Variants in FRMD4A observed in about 807,000 individuals in gnomAD.
The protein encoded by FRMD4A is FERM domain-containing protein 4A.
A neutral mutation model predicts 129.1 loss-of-function variants in FRMD4A; 29 were observed. The ratio of observed to expected loss-of-function variants is 0.22; its 90% CI spans 0.17 to 0.31. FRMD4A has a LOEUF of 0.31. Ranked by LOEUF, FRMD4A falls within the 10% of genes least tolerant of loss-of-function variation. The pLI, the probability that FRMD4A is intolerant of heterozygous loss-of-function variation, is 1.00. For missense variants in FRMD4A, 1,272 were observed against 1,375.8 expected (o/e 0.92, Z 1.19); for synonymous variants, 634 against 571.6 (o/e 1.11, Z -1.56).
chr10:13,820,541 C>G (rs990219654), intron 3 of FRMD4A, among the ~76,000 whole-genome samples: 17 of 141,924 alleles, frequency 1.2e-4, no homozygotes, highest in African/African-American at 4.3e-4. Flanking sequence ...TTAATTGTAT[C>G]TCAAAAAAAA....
At chr10:13,786,177 G>A (rs1000097817) in intron 5 of FRMD4A, among the ~76,000 whole-genome samples, 1 of 152,132 alleles carries the variant, frequency 6.6e-6, no homozygotes, top group South Asian at 2.1e-4. Flanking sequence ...TCTAATTCTA[G>A]ATCCTTGAGG....
intron 24 of FRMD4A, chr10:13,647,408 C>T (rs2081194511): frequency 6.6e-6 from 1 of 152,190 alleles, no homozygotes; most frequent in Non-Finnish European, 1.5e-5. Context: ...CAAAGCTCCC[C>T]ACCAGGTGAT....
At chr10:14,098,614 T>TG (rs1837130409) in intron 2 of FRMD4A, among the ~76,000 whole-genome samples, 1 of 152,090 alleles carries the variant, frequency 6.6e-6, no homozygotes, top group Non-Finnish European at 1.5e-5. Context: ...TTCAGCGTGT[T>TG]GGCCAGGATG....
At chr10:13,659,279 A>C in intron 21 of FRMD4A, 44 bp downstream of exon 21, 1 of 1,579,836 alleles carries the variant, frequency 6.3e-7, no homozygotes, top group East Asian at 2.2e-5. Context: ...GCCCAATTTT[A>C]AAAAGGAAGG....
intron 2 of FRMD4A, among the ~76,000 whole-genome samples, chr10:13,962,666 C>T (rs1379348926): frequency 6.6e-6 from 1 of 152,148 alleles, no homozygotes; most frequent in Non-Finnish European, 1.5e-5. Flanking sequence ...GATTACTATT[C>T]CTGAGCTCCA....
At chr10:14,244,165 C>T (rs200538074) in intron 2 of FRMD4A, among the ~76,000 whole-genome samples, 3 of 152,318 alleles carry the variant, frequency 2.0e-5, no homozygotes, top group Non-Finnish European at 4.4e-5. Flanking sequence ...AGAACACAAT[C>T]ACTTTAAGAA....
chr10:14,129,409 A>ATATATATAT lies in FRMD4A; in HGVS notation c.45+200648_45+200649insATATATATA, dbSNP rs58579085. ...ATATATATATATATATATATATATA[A>ATATATATAT]AAAATATGAGCTGTAGAACATACTT... On this transcript the variant is annotated intron_variant, in intron 2 of 24. Coordinates refer to ENST00000357447, the MANE Select transcript of FRMD4A (RefSeq NM_018027.5). Among the ~76,000 whole-genome samples the ATATATATAT allele has an allele frequency of 2.4e-3, 229 of 93,476 alleles. 24 individuals are homozygous for ATATATATAT. The highest frequency in any genetic ancestry group is 5.0e-3 in the South Asian group (14 of 2,806). 61.3% of individuals were successfully genotyped at this position (93,476 alleles called of 152,430 possible).
chr10:13,988,887 A>G (rs1044563865), intron 2 of FRMD4A, among the ~76,000 whole-genome samples: 1 of 152,166 alleles, frequency 6.6e-6, no homozygotes, highest in Non-Finnish European at 1.5e-5. Context: ...CGACCTCAAA[A>G]TGCCCTTTAT....
At chr10:14,033,558 G>C (rs1295167919) in intron 2 of FRMD4A, among the ~76,000 whole-genome samples, 1 of 152,176 alleles carries the variant, frequency 6.6e-6, no homozygotes, top group Non-Finnish European at 1.5e-5. Context: ...GCTGAGGCGA[G>C]TGGATCACTT....
At chr10:13,924,391 C>T (rs1439974098) in intron 2 of FRMD4A, among the ~76,000 whole-genome samples, 1 of 145,586 alleles carries the variant, frequency 6.9e-6, no homozygotes, top group Non-Finnish European at 1.5e-5. Context: ...CTTATCTCCG[C>T]CTACTTTTCT....
At chr10:14,185,827 C>G (rs553238427) in intron 2 of FRMD4A, among the ~76,000 whole-genome samples, 1 of 152,058 alleles carries the variant, frequency 6.6e-6, no homozygotes, top group Non-Finnish European at 1.5e-5. Flanking sequence ...CAGGGCAGGG[C>G]CCAGTGGAGA....
intron 6 of FRMD4A, among the ~76,000 whole-genome samples, chr10:13,767,989 C>T (rs1040521553): frequency 6.6e-6 from 1 of 152,108 alleles, no homozygotes; most frequent in Admixed American, 6.5e-5. Flanking sequence ...GTACTTTAGG[C>T]ATCTGCTTTC....
At position 13,930,488 on chromosome 10, in the gene FRMD4A, G is replaced by A. The variant is rs112554903; in HGVS notation, c.46-71576C>T. On this transcript the variant is annotated intron_variant, in intron 2 of 24. Coordinates refer to ENST00000357447, the MANE Select transcript of FRMD4A (RefSeq NM_018027.5). ...CCTCAGCTCTGCAGACCCATTGATG[G>A]CCGCGGAGGCTCAGGGACATGCCTA... 2.3e-3 allele frequency among the ~76,000 whole-genome samples: 345 copies of A among 152,326 alleles called. 1 individual carries two copies. The highest frequency in any genetic ancestry group is 7.9e-3 in the African/African-American group (328 of 41,562).
At chr10:14,185,249 C>T (rs1036616916) in intron 2 of FRMD4A, among the ~76,000 whole-genome samples, 1 of 152,212 alleles carries the variant, frequency 6.6e-6, no homozygotes, top group South Asian at 2.1e-4. Flanking sequence ...TCAAGAAGCC[C>T]GGAAACTATT....
intron 2 of FRMD4A, among the ~76,000 whole-genome samples, chr10:14,101,620 T>G (rs1837305771): frequency 6.6e-6 from 1 of 152,100 alleles, no homozygotes; most frequent in Admixed American, 6.6e-5. Context: ...AAAAGAAAAT[T>G]GATGACACGT....
rs992684857 is a variant in FRMD4A, at chr10:13,962,265, C to A, written c.46-103353G>T. ...TGTTGAGATCTCTCCCCAGAGGAGA[C>A]CAGCCACTAACTTCTCTGAGCCTCG... is the stretch of plus-strand genomic sequence containing the variant. On this transcript the variant is annotated intron_variant, in intron 2 of 24. Transcript: ENST00000357447. 2.6e-5 allele frequency among the ~76,000 whole-genome samples: 4 copies of A among 152,154 alleles called. No individual in the cohort carries two copies. In the East Asian group the frequency reaches 7.7e-4, roughly 29 times the overall value.
At chr10:14,035,369 G>A (rs967520980) in intron 2 of FRMD4A, among the ~76,000 whole-genome samples, 5 of 149,516 alleles carry the variant, frequency 3.3e-5, no homozygotes, top group Non-Finnish European at 7.4e-5. Context: ...CCAAGATCAC[G>A]CCATTACACT....
intron 2 of FRMD4A, among the ~76,000 whole-genome samples, chr10:13,936,293 T>G (rs182232750): frequency 3.0e-3 from 457 of 152,268 alleles, no homozygotes; most frequent in Admixed American, 5.5e-3. Context: ...CAACAGGTGC[T>G]GCAGTGCCAA....
In FRMD4A at chr10:13,656,893, G is replaced by A. The variant is rs1275026992; in HGVS notation, c.2696C>T (p.Ser899Leu). 2 of 1,481,652 alleles carry A rather than the reference G, an allele frequency of 1.3e-6. No individual in the cohort carries two copies. The highest frequency in any genetic ancestry group is 1.8e-6 in the Non-Finnish European group (2 of 1,122,906). 91.8% of individuals were successfully genotyped at this position (1,481,652 alleles called of 1,614,324 possible). The change falls in exon 22 of 25, where the codon TCG becomes TTG. Residue 899 changes from serine (S) to leucine (L), a missense_variant. Physicochemically the swap from Ser to Leu is moderately radical, Grantham distance 145. Coordinates refer to ENST00000357447, the MANE Select transcript of FRMD4A (RefSeq NM_018027.5). ...DEGDTGRLTP[S>L]RSQILRTPSL... is the part of the protein sequence containing the mutation. ...CGGAGTCCGCAGGATCTGCGATCGC[G>A]ACGGCGTCAGGCGGCCCGTGTCGCC...
Sources: allele counts gnomAD v4.1 joint callset (sites outside exome capture counted in the v4.1 genomes callset), GRCh38; gene constraint gnomAD v4.1.1; transcripts MANE v1.5; gene names NCBI Gene and HGNC (gene_info 2026-07-23, HGNC 2026-07-21).